The following EMCN variants were observed in gnomAD, a reference collection of about 807,000 sequenced individuals.
EMCN encodes the protein MUC-14.
Under a neutral mutation model 38.4 loss-of-function variants are expected in EMCN, and 37 were observed. That is an observed-to-expected ratio of 0.96 (90% CI 0.74 to 1.27). The LOEUF (loss-of-function observed/expected upper bound fraction) is 1.27. EMCN is among the 50% of genes most tolerant of loss of function. EMCN has a pLI of 0.00. For synonymous variants in EMCN, 95 were observed against 100.8 expected, an observed-to-expected ratio of 0.94 and a Z score of 0.35; for missense variants, 318 against 302.8, an observed-to-expected ratio of 1.05 and a Z score of -0.37.
intron 11 of EMCN, among the ~76,000 whole-genome samples, chr4:100,407,006 T>G (rs1037694834): frequency 1.3e-5 from 2 of 152,324 alleles, no homozygotes; most frequent in South Asian, 2.1e-4. Context: ...ATTTTTGGTT[T>G]AAAGTCTGTT....
intron 1 of EMCN, 82 bp downstream of exon 1, chr4:100,517,769 G>A (rs1312225227): frequency 3.2e-6 from 4 of 1,262,734 alleles, no homozygotes; most frequent in Admixed American, 1.7e-5. Context: ...GTCAGGGGAA[G>A]ATCCCTGAAA....
chr4:100,508,791 A>C (rs1729550343), intron 1 of EMCN, among the ~76,000 whole-genome samples: 1 of 152,200 alleles, frequency 6.6e-6, no homozygotes, highest in East Asian at 1.9e-4. Flanking sequence ...ACTTGTGTTC[A>C]GATATTCATG....
intron 1 of EMCN, among the ~76,000 whole-genome samples, chr4:100,487,569 C>T (rs1728973074): frequency 6.6e-6 from 1 of 152,178 alleles, no homozygotes; most frequent in Non-Finnish European, 1.5e-5. Flanking sequence ...CCATAATCCC[C>T]ATGTGTCAAG....
intron 11 of EMCN, among the ~76,000 whole-genome samples, chr4:100,402,276 C>G (rs1726280175): frequency 6.6e-6 from 1 of 152,096 alleles, no homozygotes; most frequent in Admixed American, 6.6e-5. Flanking sequence ...ATATATGAAG[C>G]AACAAGCATT....
intron 5 of EMCN, among the ~76,000 whole-genome samples, chr4:100,436,503 A>C (rs1297789189): frequency 6.6e-6 from 1 of 152,204 alleles, no homozygotes; most frequent in Non-Finnish European, 1.5e-5. Context: ...CAGCAATCCC[A>C]TTATTGGATA....
chr4:100,435,740 T>C (rs1332197244), intron 5 of EMCN, among the ~76,000 whole-genome samples: 1 of 152,100 alleles, frequency 6.6e-6, no homozygotes, highest in African/African-American at 2.4e-5. Flanking sequence ...TAAAACCATC[T>C]GATCTTCAAC....
chr4:100,502,115 G>A (rs1443404212), intron 1 of EMCN, among the ~76,000 whole-genome samples: 1 of 152,198 alleles, frequency 6.6e-6, no homozygotes, highest in Non-Finnish European at 1.5e-5. Flanking sequence ...AGAGGGGCTT[G>A]AGGAAGTGGT....
chr4:100,445,038 G>A (rs899078581), intron 5 of EMCN, among the ~76,000 whole-genome samples: 1 of 152,154 alleles, frequency 6.6e-6, no homozygotes, highest in Non-Finnish European at 1.5e-5. Context: ...TCCCAACTAG[G>A]GAAATGGGAT....
intron 1 of EMCN, among the ~76,000 whole-genome samples, chr4:100,501,855 GT>G (rs201524832): frequency 5.1e-4 from 74 of 144,866 alleles, no homozygotes; most frequent in African/African-American, 9.1e-4. Flanking sequence ...ATTCTAGTGG[GT>G]TTTTTTTTTT....
intron 2 of EMCN, among the ~76,000 whole-genome samples, chr4:100,476,378 G>C (rs1359162611): frequency 6.6e-6 from 1 of 151,768 alleles, no homozygotes; most frequent in Non-Finnish European, 1.5e-5. Context: ...CAGACTTCTG[G>C]CCTCAAGTGA....
intron 2 of EMCN, among the ~76,000 whole-genome samples, chr4:100,476,564 T>A (rs1457008452): frequency 6.6e-6 from 1 of 152,170 alleles, no homozygotes; most frequent in East Asian, 1.9e-4. Flanking sequence ...TTATTTTGAG[T>A]CAATAAATGT....
chr4:100,503,578 T>C (rs1303148323), intron 1 of EMCN, among the ~76,000 whole-genome samples: 1 of 152,090 alleles, frequency 6.6e-6, no homozygotes, highest in Non-Finnish European at 1.5e-5. Context: ...ACCAATCTAC[T>C]TTTTTATTTT....
At chr4:100,516,169 C>T (rs1729750608) in intron 1 of EMCN, among the ~76,000 whole-genome samples, 1 of 152,092 alleles carries the variant, frequency 6.6e-6, no homozygotes, top group Admixed American at 6.6e-5. Flanking sequence ...AGCTCATTAC[C>T]AGTGAGCAAA....
At chr4:100,423,468 G>A (rs1726954243) in intron 5 of EMCN, 64 bp from the exon 6 acceptor site, 2 of 1,167,742 alleles carry the variant, frequency 1.7e-6, no homozygotes, top group South Asian at 1.2e-5. Context: ...GGATTTCTTT[G>A]CAGATTCAAA....
Position 100,410,339 on chromosome 4 carries a change from T to C in EMCN, c.768A>G (p.Gln256=), listed in dbSNP as rs557928935. 2.5e-6 allele frequency: 4 copies of C among 1,613,846 alleles called. No individual in the cohort carries two copies. In the Admixed American group the frequency reaches 6.7e-5, roughly 27 times the overall value. Residue 256 remains glutamine (Q), a synonymous_variant, in exon 11 of 12, where the codon CAA becomes CAG. Transcript: ENST00000296420. The stretch of plus-strand genomic sequence containing the variant: ...CAAGCTGTCAGTTCTTGGTTTTTCC[T>C]TGTGCAGAGTGCTCACCTGAGAACA... ...ISHESGEHSA[Q]GKTKN is the part of the protein sequence containing the mutation.
chr4:100,416,178 T>A lies in EMCN; in HGVS notation c.690-219A>T, dbSNP rs537645355. On this transcript the variant is annotated intron_variant, in intron 9 of 11. Coordinates refer to ENST00000296420, the MANE Select transcript of EMCN (RefSeq NM_016242.4). ...TTTTCACATACAAATACACATATAC[T>A]TTTTAGCAATTTTTACTTTTTCTGG... 1.1e-4 allele frequency among the ~76,000 whole-genome samples: 17 copies of A among 152,132 alleles called. No homozygotes were observed. The South Asian group carries it at 3.1e-3, about 28-fold the overall frequency.
chr4:100,507,547 T>C (rs1022544925), intron 1 of EMCN, among the ~76,000 whole-genome samples: 1 of 152,118 alleles, frequency 6.6e-6, no homozygotes, highest in Non-Finnish European at 1.5e-5. Context: ...AGAGCTTTAA[T>C]GGCAAGAAGG....
intron 1 of EMCN, among the ~76,000 whole-genome samples, chr4:100,517,240 A>T (rs1041270615): frequency 7.2e-5 from 11 of 152,082 alleles, no homozygotes; most frequent in African/African-American, 2.7e-4. Context: ...ATGTTTATAA[A>T]TTCCTGAAAT....
At chr4:100,461,393 T>C (rs1406225769) in intron 4 of EMCN, among the ~76,000 whole-genome samples, 1 of 152,150 alleles carries the variant, frequency 6.6e-6, no homozygotes, top group African/African-American at 2.4e-5. Context: ...ATCTTTTTCA[T>C]CCACTAGAAG....
Sources: gnomAD v4.1 joint callset for allele counts (sites outside exome capture counted in the v4.1 genomes callset) on GRCh38, gnomAD v4.1.1 for gene constraint, MANE v1.5 for transcripts, NCBI Gene and HGNC (gene_info 2026-07-23, HGNC 2026-07-21) for gene names.